The following MLPH variants were observed in gnomAD, a reference collection of about 807,000 sequenced individuals.
MLPH encodes melanophilin, also known as exophilin-3.
MLPH carries 51 observed loss-of-function variants against 72.1 expected under a neutral mutation model. That is an observed-to-expected ratio of 0.71 (90% CI 0.56 to 0.89). The LOEUF (loss-of-function observed/expected upper bound fraction) is 0.89. Ranked by LOEUF, MLPH falls within the 40% of genes least tolerant of loss-of-function variation. MLPH has a pLI of 0.00. For synonymous variants in MLPH, 301 were observed against 310.1 expected (o/e 0.97, Z 0.31); for missense variants, 743 against 759.9 (o/e 0.98, Z 0.26).
intron 4 of MLPH, among the ~76,000 whole-genome samples, chr2:237,515,602 T>C (rs1244967346): frequency 6.6e-6 from 1 of 152,014 alleles, no homozygotes; most frequent in East Asian, 1.9e-4. Context: ...TAACTGAGAA[T>C]GGGAAAAGGA....
intron 5 of MLPH, 134 bp from the exon 6 acceptor site, chr2:237,519,776 G>A (rs1326287119): frequency 1.6e-6 from 2 of 1,276,066 alleles, no homozygotes; most frequent in Non-Finnish European, 2.3e-6. Flanking sequence ...TAGTGGAGGG[G>A]GTGGATGTGC....
chr2:237,498,070 G>T (rs1006280188), intron 2 of MLPH, among the ~76,000 whole-genome samples: 1 of 152,276 alleles, frequency 6.6e-6, no homozygotes, highest in African/African-American at 2.4e-5. Context: ...AGAGAACAGG[G>T]GTGGGGGAAT....
At chr2:237,524,172 C>T (rs909172013) in intron 6 of MLPH, among the ~76,000 whole-genome samples, 34 of 151,552 alleles carry the variant, frequency 2.2e-4, no homozygotes, top group Non-Finnish European at 4.6e-4. Flanking sequence ...AGCCGAAATG[C>T]GATTATTAGT....
At chr2:237,546,067 T>C (rs1227719556) in intron 12 of MLPH, among the ~76,000 whole-genome samples, 2 of 152,228 alleles carry the variant, frequency 1.3e-5, no homozygotes, top group Non-Finnish European at 2.9e-5. Flanking sequence ...GTGTAAGATG[T>C]ACCTTGGTTC....
chr2:237,497,949 A>AG (rs1238793378), intron 2 of MLPH, among the ~76,000 whole-genome samples: 1 of 152,198 alleles, frequency 6.6e-6, no homozygotes, highest in East Asian at 1.9e-4. Context: ...TAACAAATGT[A>AG]GCAATTCAGG....
At chr2:237,545,930 T>C (rs1451101486) in intron 12 of MLPH, among the ~76,000 whole-genome samples, 1 of 152,208 alleles carries the variant, frequency 6.6e-6, no homozygotes, top group Non-Finnish European at 1.5e-5. Flanking sequence ...TTGGAAAGTT[T>C]ATTTTGCCAA....
At chr2:237,548,803 C>T (rs777770917) in intron 13 of MLPH, among the ~76,000 whole-genome samples, 2 of 152,216 alleles carry the variant, frequency 1.3e-5, no homozygotes, top group African/African-American at 2.4e-5. Context: ...GGCATAAACC[C>T]GGGAGGCGGA....
At chr2:237,519,183 T>G (rs745804750) in intron 5 of MLPH, among the ~76,000 whole-genome samples, 7 of 151,978 alleles carry the variant, frequency 4.6e-5, no homozygotes, top group Non-Finnish European at 1.0e-4. Flanking sequence ...ACCTGGGTTT[T>G]GGGGTGGGAA....
chr2:237,534,751 T>C (rs1048435180), intron 9 of MLPH, 104 bp downstream of exon 9: 7 of 1,012,882 alleles, frequency 6.9e-6, no homozygotes, highest in Non-Finnish European at 1.1e-5. Context: ...CTTGAGATTT[T>C]GCTGTTTGTA....
intron 2 of MLPH, among the ~76,000 whole-genome samples, chr2:237,506,861 C>T (rs1470940745): frequency 6.6e-6 from 1 of 152,104 alleles, no homozygotes; most frequent in African/African-American, 2.4e-5. Context: ...GGTGAATTCT[C>T]CACTTGCTTC....
chr2:237,488,345 C>CG (rs2106442050), intron 1 of MLPH, among the ~76,000 whole-genome samples: 1 of 152,244 alleles, frequency 6.6e-6, no homozygotes, highest in East Asian at 1.9e-4. Context: ...ATTGACACCC[C>CG]GGGTTCAGCT....
chr2:237,523,458 C>T (rs985499920), intron 6 of MLPH, among the ~76,000 whole-genome samples: 7 of 152,130 alleles, frequency 4.6e-5, no homozygotes, highest in African/African-American at 1.7e-4. Flanking sequence ...GCTGAGAAAG[C>T]CATGTTGTTA....
At chr2:237,504,144 T>A (rs1385415297) in intron 2 of MLPH, among the ~76,000 whole-genome samples, 1 of 152,188 alleles carries the variant, frequency 6.6e-6, no homozygotes, top group African/African-American at 2.4e-5. Flanking sequence ...GCTCAATGAA[T>A]CCTGAGTCAA....
At chr2:237,513,576 T>C (rs948395945) in intron 4 of MLPH, among the ~76,000 whole-genome samples, 1 of 152,166 alleles carries the variant, frequency 6.6e-6, no homozygotes, top group South Asian at 2.1e-4. Context: ...TTCTTTTTTT[T>C]AGCATGACTT....
intron 2 of MLPH, among the ~76,000 whole-genome samples, chr2:237,504,589 C>T (rs575270171): frequency 6.6e-6 from 1 of 152,322 alleles, no homozygotes; most frequent in South Asian, 2.1e-4. Flanking sequence ...GGAGCCACTG[C>T]CCCACGGCCA....
intron 13 of MLPH, among the ~76,000 whole-genome samples, chr2:237,548,616 C>T (rs2080966927): frequency 6.6e-6 from 1 of 152,192 alleles, no homozygotes; most frequent in Non-Finnish European, 1.5e-5. Flanking sequence ...CACCTGTAAT[C>T]CCAGCACTTT....
upstream of MLPH, among the ~76,000 whole-genome samples, chr2:237,486,927 A>G (rs1459165403): frequency 6.6e-6 from 1 of 152,110 alleles, no homozygotes; most frequent in Non-Finnish European, 1.5e-5. Context: ...CGCGCGCTCT[A>G]GAGCGCGCTC....
At chr2:237,550,042 C>A (rs1462511270) in intron 14 of MLPH, among the ~76,000 whole-genome samples, 1 of 152,216 alleles carries the variant, frequency 6.6e-6, no homozygotes, top group Non-Finnish European at 1.5e-5. Flanking sequence ...AGCCAGCCTG[C>A]CCCCTACTAC....
At chr2:237,522,417 C>T (rs111270601) in intron 6 of MLPH, among the ~76,000 whole-genome samples, 29 of 80,848 alleles carry the variant, frequency 3.6e-4, no homozygotes, top group South Asian at 1.6e-3. Context: ...AGTGCTGGAG[C>T]GGAGCAGGGC....
Sources: allele counts gnomAD v4.1 joint callset (sites outside exome capture counted in the v4.1 genomes callset), GRCh38; gene constraint gnomAD v4.1.1; transcripts MANE v1.5; gene names NCBI Gene and HGNC (gene_info 2026-07-23, HGNC 2026-07-21).